The following SIPA1L2 variants were observed in gnomAD, a reference collection of about 807,000 sequenced individuals.
SIPA1L2 encodes signal-induced proliferation-associated 1-like protein 2.
A neutral mutation model predicts 163.9 loss-of-function variants in SIPA1L2; 56 were observed. The observed-to-expected ratio is 0.34, with a 90% CI of 0.28 to 0.43. SIPA1L2 has a LOEUF of 0.43. Ranked by LOEUF, SIPA1L2 falls within the 20% of genes least tolerant of loss-of-function variation. The probability of loss-of-function intolerance (pLI) is 1.00; values close to 1 mark genes in which losing one functional copy is unlikely to be tolerated. For synonymous variants in SIPA1L2, 877 were observed against 865.7 expected (o/e 1.01, Z -0.23); for missense variants, 1,974 against 2,193.5 (o/e 0.90, Z 2.00).
chr1:232,399,300 C>T, intron 22 of SIPA1L2, 27 bp from the exon 23 acceptor site: 1 of 1,607,066 alleles, frequency 6.2e-7, no homozygotes, highest in South Asian at 1.1e-5. Context: ...TAAACTGAGT[C>T]ATGGAGACTG....
intron 2 of SIPA1L2, among the ~76,000 whole-genome samples, chr1:232,530,872 C>T (rs1448853594): frequency 6.6e-6 from 1 of 152,140 alleles, no homozygotes. Context: ...AGTACTGAAC[C>T]ATCTTCCATT....
At chr1:232,413,400 C>T (rs902004944) in intron 19 of SIPA1L2, among the ~76,000 whole-genome samples, 4 of 151,880 alleles carry the variant, frequency 2.6e-5, no homozygotes, top group African/African-American at 7.3e-5. Context: ...TCTCTAATCC[C>T]CTGGAAAAAA....
At chr1:232,562,015 C>A (rs947052788) in intron 2 of SIPA1L2, among the ~76,000 whole-genome samples, 7 of 152,170 alleles carry the variant, frequency 4.6e-5, no homozygotes, top group Admixed American at 2.6e-4. Context: ...AGGCCCTGAG[C>A]GAGTAAATAC....
intron 21 of SIPA1L2, 40 bp downstream of exon 21, chr1:232,403,408 T>C: frequency 6.3e-7 from 1 of 1,597,744 alleles, no homozygotes; most frequent in African/African-American, 1.3e-5. Flanking sequence ...TAATCATGCC[T>C]GGAACAGCAG....
intron 1 of SIPA1L2, among the ~76,000 whole-genome samples, chr1:232,591,426 C>T (rs1009267276): frequency 1.3e-5 from 2 of 152,266 alleles, no homozygotes; most frequent in African/African-American, 4.8e-5. Flanking sequence ...CCAAACCCAG[C>T]TCCTCCCTGG....
intron 1 of SIPA1L2, among the ~76,000 whole-genome samples, chr1:232,615,188 C>T (rs138899095): frequency 1.2e-4 from 18 of 152,330 alleles, no homozygotes; most frequent in East Asian, 3.9e-4. Flanking sequence ...ATCTCCTGCC[C>T]CTGACACCAT....
At chr1:232,535,665 T>C (rs1159699177) in intron 2 of SIPA1L2, among the ~76,000 whole-genome samples, 5 of 152,202 alleles carry the variant, frequency 3.3e-5, no homozygotes, top group Non-Finnish European at 7.3e-5. Flanking sequence ...ATATATACCA[T>C]GAGCCTATGT....
intron 10 of SIPA1L2, among the ~76,000 whole-genome samples, chr1:232,454,591 T>TG (rs1558189908): frequency 6.6e-6 from 1 of 152,178 alleles, no homozygotes; most frequent in African/African-American, 2.4e-5. Flanking sequence ...TGTATTTCTA[T>TG]GGGGGGAGAA....
rs73095196 is a variant in SIPA1L2, at chr1:232,537,055, G to T, written c.-269-21447C>A. ...ATTCGAGACCAGCCTAGGCAACATG[G>T]TGAAACCCTGTTTGTACAAGAAATA... On this transcript the variant is annotated intron_variant, in intron 2 of 22. Coordinates refer to ENST00000674635, the MANE Select transcript of SIPA1L2 (RefSeq NM_020808.5). Among the ~76,000 whole-genome samples the T allele has an allele frequency of 4.2e-3, 642 of 152,224 alleles. 10 individuals carry two copies. Among genetic ancestry groups the T allele is most frequent in the African/African-American group, 0.014 (602 of 41,532 alleles).
chr1:232,564,486 G>C lies in SIPA1L2; in HGVS notation c.-270+9688C>G, dbSNP rs552057951. On this transcript the variant is annotated intron_variant, in intron 2 of 22. Coordinates refer to ENST00000674635, the MANE Select transcript of SIPA1L2 (RefSeq NM_020808.5). ...TCAAGCATGAAGCCTGCCTGCAAGG[G>C]ATGGGCCACCAAGAGGCCAGGAGTG... is the stretch of plus-strand genomic sequence containing the variant. Among the ~76,000 whole-genome samples, 482 of 152,024 alleles carry C rather than the reference G, an allele frequency of 3.2e-3. 4 individuals are homozygous for C. Among genetic ancestry groups the C allele is most frequent in the Middle Eastern group, 0.017 (5 of 294 alleles).
Position 232,399,050 on chromosome 1 carries a change from A to G in SIPA1L2, c.*77T>C. 6.3e-7 allele frequency: 1 copy of G among 1,593,488 alleles called. No individual in the cohort carries two copies. Among genetic ancestry groups the G allele is most frequent in the South Asian group, 1.1e-5 (1 of 88,714 alleles). On this transcript the variant is annotated 3_prime_UTR_variant, in exon 23 of 23. Coordinates refer to ENST00000674635, the MANE Select transcript of SIPA1L2 (RefSeq NM_020808.5). ...AACATCTACGATTGGTTGAAAGCAC[A>G]CAGAAAAACCACATGTTTGTGACTT...
intron 15 of SIPA1L2, among the ~76,000 whole-genome samples, chr1:232,433,931 G>C (rs1662398838): frequency 6.6e-6 from 1 of 152,128 alleles, no homozygotes; most frequent in African/African-American, 2.4e-5. Context: ...GTAAATTGAG[G>C]ATAATAACAG....
At chr1:232,590,692 A>G (rs920479804) in intron 1 of SIPA1L2, among the ~76,000 whole-genome samples, 1 of 151,952 alleles carries the variant, frequency 6.6e-6, no homozygotes, top group African/African-American at 2.4e-5. Context: ...ATTCCTCCCA[A>G]TATCTCTACC....
chr1:232,606,937 T>C (rs1044017202), intron 1 of SIPA1L2, among the ~76,000 whole-genome samples: 12 of 152,052 alleles, frequency 7.9e-5, no homozygotes, highest in Non-Finnish European at 1.6e-4. Flanking sequence ...AAAATTTCTG[T>C]TAAGTAGAGT....
chr1:232,608,070 C>A (rs970831606), intron 1 of SIPA1L2, among the ~76,000 whole-genome samples: 49 of 93,306 alleles, frequency 5.3e-4, no homozygotes, highest in South Asian at 1.0e-3. Flanking sequence ...AAAAAAAAAA[C>A]GAGTCTTACT....
chr1:232,443,501 C>T (rs1037708575), intron 12 of SIPA1L2, 101 bp downstream of exon 12: 5 of 830,530 alleles, frequency 6.0e-6, no homozygotes, highest in Non-Finnish European at 7.0e-6. Flanking sequence ...TTATATTCCC[C>T]ACATGGCCCC....
chr1:232,575,053 T>A (rs1001471443), intron 1 of SIPA1L2, among the ~76,000 whole-genome samples: 54 of 152,324 alleles, frequency 3.5e-4, no homozygotes, highest in Middle Eastern at 6.8e-3. Context: ...ACACATCATT[T>A]TTTAAAATAA....
Position 232,526,653 on chromosome 1 carries a change from C to T in SIPA1L2, c.-269-11045G>A, listed in dbSNP as rs558363036. Among the ~76,000 whole-genome samples the T allele has an allele frequency of 3.1e-3, 477 of 152,308 alleles. 1 individual carries two copies. Among genetic ancestry groups the T allele is most frequent in the South Asian group, 0.016 (76 of 4,826 alleles). ...GTAACCCACTGCTTGAGAGTTCTTC[C>T]AACTCCAGAATCTATATACCGTAGG... On this transcript the variant is annotated intron_variant, in intron 2 of 22. Coordinates refer to ENST00000674635, the MANE Select transcript of SIPA1L2 (RefSeq NM_020808.5).
At chr1:232,620,924 G>A (rs764386964) in intron 1 of SIPA1L2, among the ~76,000 whole-genome samples, 2 of 152,222 alleles carry the variant, frequency 1.3e-5, no homozygotes, top group Admixed American at 6.5e-5. Context: ...CTTTGGGTGA[G>A]TAAAGTACTG....
Sources: allele counts gnomAD v4.1 joint callset (sites outside exome capture counted in the v4.1 genomes callset), GRCh38; gene constraint gnomAD v4.1.1; transcripts MANE v1.5; gene names NCBI Gene and HGNC (gene_info 2026-07-23, HGNC 2026-07-21).